Variants in ALDH7A1 observed in about 807,000 individuals in gnomAD.
ALDH7A1 encodes the protein alpha-aminoadipic semialdehyde dehydrogenase.
A neutral mutation model predicts 79.9 loss-of-function variants in ALDH7A1; 63 were observed. The ratio of observed to expected loss-of-function variants is 0.79; its 90% CI spans 0.64 to 0.97. The LOEUF is 0.97. Ranked by LOEUF, ALDH7A1 falls within the 50% of genes least tolerant of loss-of-function variation. ALDH7A1 has a pLI of 0.00. For synonymous variants in ALDH7A1, 240 were observed against 231.2 expected (o/e 1.04, Z -0.34); for missense variants, 627 against 665.2 (o/e 0.94, Z 0.63).
intron 9 of ALDH7A1, among the ~76,000 whole-genome samples, chr5:126,563,010 G>A (rs1456559085): frequency 6.6e-6 from 1 of 152,168 alleles, no homozygotes; most frequent in East Asian, 1.9e-4. Context: ...GTGTTTATAG[G>A]GTATGGAGTT....
rs778520124 is a variant in ALDH7A1, at chr5:126,570,878, T to C, written c.696-19A>G. ...TATTATCCTAGAAAGGAAAAAGCAA[T>C]TACTGAGGCAATAATTTAAGGCATT... On this transcript the variant is annotated intron_variant, in intron 7 of 17. Transcript: ENST00000409134. The C allele has an allele frequency of 1.2e-6, 2 of 1,611,070 alleles. No individual in the cohort carries two copies. Among genetic ancestry groups the C allele is most frequent in the Non-Finnish European group, 8.5e-7 (1 of 1,177,342 alleles).
intron 1 of ALDH7A1, 58 bp from the exon 2 acceptor site, chr5:126,593,462 G>A: frequency 6.2e-7 from 1 of 1,608,094 alleles, no homozygotes; most frequent in South Asian, 1.1e-5. Flanking sequence ...TGAAGTAAGG[G>A]AATAGACCAA....
chr5:126,563,270 T>C (rs1750462570), intron 9 of ALDH7A1, among the ~76,000 whole-genome samples: 1 of 152,232 alleles, frequency 6.6e-6, no homozygotes, highest in South Asian at 2.1e-4. Context: ...GATTATATTA[T>C]TTCATTTTAC....
At chr5:126,571,920 C>T (rs1750793324) in intron 7 of ALDH7A1, among the ~76,000 whole-genome samples, 1 of 152,182 alleles carries the variant, frequency 6.6e-6, no homozygotes, top group African/African-American at 2.4e-5. Context: ...TCCCACCAAA[C>T]CATGTCGGTC....
intron 3 of ALDH7A1, chr5:126,588,301 T>A (rs1033411334): frequency 6.6e-6 from 1 of 151,666 alleles, no homozygotes; most frequent in African/African-American, 2.4e-5. Flanking sequence ...GAAACCCTGT[T>A]CTCTACTAAA....
intron 1 of ALDH7A1, chr5:126,594,283 G>A (rs1427962473): frequency 2.1e-6 from 1 of 470,886 alleles, no homozygotes; most frequent in Non-Finnish European, 4.4e-6. Flanking sequence ...AAAGAATTCA[G>A]GAAGGAAGAT....
intron 1 of ALDH7A1, chr5:126,594,022 G>C (rs1029752151): frequency 3.0e-6 from 1 of 331,330 alleles, no homozygotes; most frequent in African/African-American, 2.2e-5. Flanking sequence ...AATATACAAC[G>C]TCCAACAAAG....
chr5:126,547,410 G>A (rs1041285166), intron 16 of ALDH7A1, among the ~76,000 whole-genome samples: 2 of 152,194 alleles, frequency 1.3e-5, no homozygotes, highest in Non-Finnish European at 2.9e-5. Context: ...CACATGCTGG[G>A]GGAATGAACT....
At chr5:126,570,938 ACT>A (rs1172319228) in intron 7 of ALDH7A1, 79 bp from the exon 8 acceptor site, 6 of 1,386,334 alleles carry the variant, frequency 4.3e-6, no homozygotes, top group Non-Finnish European at 4.1e-6. Context: ...CAACCACTTG[ACT>A]CTCCTTTTTT....
At chr5:126,551,945 G>C (rs2112755682) in intron 14 of ALDH7A1, 76 bp downstream of exon 14, 1 of 1,170,546 alleles carries the variant, frequency 8.5e-7, no homozygotes, top group South Asian at 1.2e-5. Context: ...GGTTCATCCA[G>C]TGAAATTTAA....
intron 9 of ALDH7A1, among the ~76,000 whole-genome samples, chr5:126,565,198 G>T (rs781263729): frequency 6.6e-6 from 1 of 152,016 alleles, no homozygotes; most frequent in Non-Finnish European, 1.5e-5. Flanking sequence ...TTTGAGACCA[G>T]CCTGGCCAAG....
At chr5:126,568,906 G>A (rs1750685745) in intron 8 of ALDH7A1, 1 of 155,678 alleles carries the variant, frequency 6.4e-6, no homozygotes, top group Admixed American at 6.2e-5. Flanking sequence ...GTGACAGAGT[G>A]AGACCCTGTC....
chr5:126,557,585 CAA>C (rs955163501), intron 11 of ALDH7A1, among the ~76,000 whole-genome samples: 6 of 101,242 alleles, frequency 5.9e-5, no homozygotes, highest in Non-Finnish European at 6.2e-5. Flanking sequence ...GACTCCATCT[CAA>C]AAAAAAAAAA....
At chr5:126,552,916 A>AT (rs1429864255) in intron 13 of ALDH7A1, among the ~76,000 whole-genome samples, 1 of 150,044 alleles carries the variant, frequency 6.7e-6, no homozygotes, top group South Asian at 2.1e-4. Context: ...TACTCAGCTA[A>AT]TTTTTTTTTG....
intron 1 of ALDH7A1, chr5:126,594,217 C>G: frequency 2.1e-6 from 1 of 471,086 alleles, no homozygotes; most frequent in South Asian, 1.5e-5. Flanking sequence ...CAAAGGAGTT[C>G]ACAGCCCAAC....
At chr5:126,592,548 G>A in intron 3 of ALDH7A1, 116 bp downstream of exon 3, 1 of 1,016,768 alleles carries the variant, frequency 9.8e-7, no homozygotes, top group Non-Finnish European at 1.5e-6. Context: ...CAGCCCCCAA[G>A]GAGCTCACAT....
intron 3 of ALDH7A1, chr5:126,588,693 T>C (rs181318560): frequency 3.9e-5 from 6 of 152,232 alleles, no homozygotes; most frequent in Admixed American, 6.5e-5. Context: ...CACATGAACA[T>C]TGGCTCATCA....
intron 3 of ALDH7A1, 111 bp downstream of exon 3, chr5:126,592,551 GCT>G: frequency 9.6e-7 from 1 of 1,039,998 alleles, no homozygotes; most frequent in Non-Finnish European, 1.5e-6. Context: ...CCCCCAAGGA[GCT>G]CACATTTTAA....
At chr5:126,585,381 C>A (rs533995115) in intron 3 of ALDH7A1, among the ~76,000 whole-genome samples, 2 of 152,156 alleles carry the variant, frequency 1.3e-5, no homozygotes, top group Non-Finnish European at 2.9e-5. Context: ...ACACCCTCCC[C>A]CTAACTCCCA....
Sources: allele counts gnomAD v4.1 joint callset (sites outside exome capture counted in the v4.1 genomes callset), GRCh38; gene constraint gnomAD v4.1.1; transcripts MANE v1.5; gene names NCBI Gene and HGNC (gene_info 2026-07-23, HGNC 2026-07-21).